The following SLC8A1 variants were observed in gnomAD, a reference collection of about 807,000 sequenced individuals.
SLC8A1 encodes sodium/calcium exchanger 1.
In SLC8A1, 18 loss-of-function variants were observed where a neutral mutation model predicts 68.3. The ratio of observed to expected loss-of-function variants is 0.26; its 90% CI spans 0.18 to 0.39. The LOEUF is 0.39. Among genes scored for constraint, SLC8A1 ranks in the 10% least tolerant of loss-of-function variants. The pLI is 1.00. For synonymous variants in SLC8A1, 475 were observed against 415.5 expected (o/e 1.14, Z -1.74); for missense variants, 985 against 1,156.7 (o/e 0.85, Z 2.15).
At chr2:40,289,788 G>T (rs941907121) in intron 2 of SLC8A1, among the ~76,000 whole-genome samples, 1 of 152,016 alleles carries the variant, frequency 6.6e-6, no homozygotes, top group Non-Finnish European at 1.5e-5. Context: ...TTGAACTTAG[G>T]AGGTGGAGGT....
intron 2 of SLC8A1, among the ~76,000 whole-genome samples, chr2:40,421,254 A>G (rs1321972138): frequency 2.0e-5 from 3 of 152,090 alleles, no homozygotes; most frequent in Non-Finnish European, 4.4e-5. Context: ...CACCAACAGC[A>G]CCATGACCAT....
intron 2 of SLC8A1, among the ~76,000 whole-genome samples, chr2:40,415,859 T>TAC (rs70957173): frequency 0.093 from 10,554 of 113,404 alleles, 499 homozygotes; most frequent in Middle Eastern, 0.12. Flanking sequence ...ACTAAAAGTA[T>TAC]ACACACACAC....
chr2:40,337,652 C>T (rs550649461), intron 2 of SLC8A1, among the ~76,000 whole-genome samples: 9 of 152,222 alleles, frequency 5.9e-5, no homozygotes, highest in African/African-American at 2.2e-4. Flanking sequence ...AAACCTTTCC[C>T]CCTAGGTTTC....
exon 8 of SLC8A1, chr2:40,097,728 C>T (rs2033658840): frequency 6.6e-6 from 1 of 151,908 alleles, no homozygotes; most frequent in African/African-American, 2.4e-5. Context: ...AAAAATAAAA[C>T]TCTGAAATCA....
intron 2 of SLC8A1, among the ~76,000 whole-genome samples, chr2:40,382,950 A>G (rs913356635): frequency 5.3e-5 from 8 of 152,100 alleles, no homozygotes; most frequent in African/African-American, 1.7e-4. Context: ...CACTTGATGA[A>G]TACTATATTT....
intron 2 of SLC8A1, among the ~76,000 whole-genome samples, chr2:40,304,071 C>G (rs1236774194): frequency 2.0e-5 from 3 of 152,150 alleles, no homozygotes; most frequent in African/African-American, 7.2e-5. Flanking sequence ...TGCATAAATG[C>G]AAAATAACAG....
intron 2 of SLC8A1, among the ~76,000 whole-genome samples, chr2:40,292,601 A>G (rs886157098): frequency 9.2e-5 from 14 of 152,282 alleles, no homozygotes; most frequent in Middle Eastern, 6.8e-3. Context: ...TTGAAGACCT[A>G]ATGGAGAGAA....
chr2:40,347,104 T>C (rs2149431254), intron 2 of SLC8A1, among the ~76,000 whole-genome samples: 1 of 152,304 alleles, frequency 6.6e-6, no homozygotes, highest in South Asian at 2.1e-4. Flanking sequence ...CTTCTGTGCC[T>C]AGGTTCAAAT....
At chr2:40,264,816 T>C (rs1306232309) in intron 2 of SLC8A1, among the ~76,000 whole-genome samples, 1 of 146,716 alleles carries the variant, frequency 6.8e-6, no homozygotes, top group Non-Finnish European at 1.5e-5. Context: ...AACCTGCACG[T>C]TGTGCACATG....
chr2:40,150,663 A>T (rs1039060223), intron 6 of SLC8A1, among the ~76,000 whole-genome samples: 1 of 152,222 alleles, frequency 6.6e-6, no homozygotes, highest in African/African-American at 2.4e-5. Context: ...GTGCTGAATC[A>T]TTCTAGAGCC....
At chr2:40,333,296 G>A (rs2076610946) in intron 2 of SLC8A1, among the ~76,000 whole-genome samples, 1 of 152,028 alleles carries the variant, frequency 6.6e-6, no homozygotes, top group African/African-American at 2.4e-5. Context: ...AAATTTGCCA[G>A]GTGTGGTGGC....
intron 2 of SLC8A1, among the ~76,000 whole-genome samples, chr2:40,368,885 C>A (rs932278727): frequency 6.6e-6 from 1 of 152,008 alleles, no homozygotes; most frequent in Non-Finnish European, 1.5e-5. Context: ...AATAAGACCA[C>A]ACACCCACAA....
At chr2:40,206,837 C>A (rs936128222) in intron 2 of SLC8A1, among the ~76,000 whole-genome samples, 1 of 151,904 alleles carries the variant, frequency 6.6e-6, no homozygotes, top group East Asian at 1.9e-4. Context: ...AAGAGCTCGG[C>A]GAAAATGGTT....
chr2:40,215,278 GC>G (rs991345166), intron 2 of SLC8A1, among the ~76,000 whole-genome samples: 8 of 152,036 alleles, frequency 5.3e-5, no homozygotes, highest in Non-Finnish European at 8.8e-5. Flanking sequence ...CTATCTTCCT[GC>G]TTCAGCTTTC....
At chr2:40,417,121 T>G (rs1694110530) in intron 2 of SLC8A1, among the ~76,000 whole-genome samples, 1 of 152,168 alleles carries the variant, frequency 6.6e-6, no homozygotes, top group Non-Finnish European at 1.5e-5. Context: ...CTCTCAGTCT[T>G]GTGATTGTCT....
intron 7 of SLC8A1, among the ~76,000 whole-genome samples, chr2:40,120,986 T>G (rs981930460): frequency 6.6e-6 from 1 of 152,222 alleles, no homozygotes; most frequent in Non-Finnish European, 1.5e-5. Flanking sequence ...CCCAAGCTTG[T>G]CCAGCCTGCC....
rs780717672 is a variant in SLC8A1 at position 40,428,648 on chromosome 2, G to A, written c.1633C>T (p.Pro545Ser). The A allele has an allele frequency of 4.3e-6, 7 of 1,613,640 alleles. No individual in the cohort carries two copies. The South Asian group carries it at 7.7e-5, about 18-fold the overall frequency. ...ATGCTCTCACTCACATGAGTCACAG[G>A]TTCCTCAAAAGTAAAAATGCCTGCG... is the stretch of plus-strand genomic sequence containing the variant. The change falls in exon 2 of 8, where the codon CCT (proline) becomes TCT (serine). Residue 545 changes from proline (P) to serine (S), a missense_variant. Transcript: ENST00000406785.
rs185684859 is a variant in SLC8A1 at position 40,183,417 on chromosome 2, C to G, written c.1809-5562G>C. 3.6e-3 allele frequency among the ~76,000 whole-genome samples: 548 copies of G among 152,314 alleles called. 4 individuals are homozygous for G. The highest frequency in any genetic ancestry group is 6.0e-3 in the Non-Finnish European group (407 of 68,024). The stretch of plus-strand genomic sequence containing the variant: ...AAAGGACTGCAGCACACGTTATATT[C>G]CATGATGGCTGCTTTAAAAAGTTAA... On this transcript the variant is annotated intron_variant, in intron 2 of 7. Transcript: ENST00000406785.
At chr2:40,299,919 CCTCCCAAA>C (rs1330342438) in intron 2 of SLC8A1, among the ~76,000 whole-genome samples, 5 of 152,184 alleles carry the variant, frequency 3.3e-5, no homozygotes, top group African/African-American at 1.2e-4. Flanking sequence ...CCTCCCTGAG[CCTCCCAAA>C]CTCCTGCATC....
Sources: allele counts gnomAD v4.1 joint callset (sites outside exome capture counted in the v4.1 genomes callset), GRCh38; gene constraint gnomAD v4.1.1; transcripts MANE v1.5; gene names NCBI Gene and HGNC (gene_info 2026-07-23, HGNC 2026-07-21).